Variants in FAT3 observed in about 807,000 individuals in gnomAD.
The protein encoded by FAT3 is FAT atypical cadherin 3.
A neutral mutation model predicts 310.2 loss-of-function variants in FAT3; 95 were observed. The ratio of observed to expected loss-of-function variants is 0.31; its 90% CI spans 0.26 to 0.36. The LOEUF is 0.36. Ranked by LOEUF, FAT3 falls within the 10% of genes least tolerant of loss-of-function variation. The pLI, the probability that FAT3 is intolerant of heterozygous loss-of-function variation, is 1.00. For missense variants in FAT3, 5,408 were observed against 5,715.6 expected (o/e 0.95, Z 1.74); for synonymous variants, 2,314 against 2,192.9 (o/e 1.06, Z -1.54).
chr11:92,260,878 T>C (rs16917259), intron 1 of FAT3, among the ~76,000 whole-genome samples: 28,760 of 151,906 alleles, frequency 0.19, 2,960 homozygotes, highest in East Asian at 0.36. Context: ...TATGCCAACA[T>C]GTAGGACATC....
At chr11:92,394,055 A>G (rs1330674109) in intron 2 of FAT3, among the ~76,000 whole-genome samples, 1 of 152,140 alleles carries the variant, frequency 6.6e-6, no homozygotes, top group Non-Finnish European at 1.5e-5. Flanking sequence ...CTAGAAACCC[A>G]CCACAGCACT....
chr11:92,289,534 CACAT>C (rs371810116), intron 1 of FAT3, among the ~76,000 whole-genome samples: 4 of 142,968 alleles, frequency 2.8e-5, no homozygotes, highest in East Asian at 2.0e-4. Flanking sequence ...CACACACACA[CACAT>C]ATATATGTGC....
intron 2 of FAT3, among the ~76,000 whole-genome samples, chr11:92,434,081 C>G (rs1445667012): frequency 6.6e-6 from 1 of 151,266 alleles, no homozygotes; most frequent in African/African-American, 2.4e-5. Context: ...GGATGCTGAT[C>G]AGAGGAGAAG....
chr11:92,892,727 A>T lies in FAT3; in HGVS notation c.*1614A>T, dbSNP rs182762755. On this transcript the variant is annotated 3_prime_UTR_variant, in exon 28 of 28. Coordinates refer to ENST00000525166, the MANE Select transcript of FAT3 (RefSeq NM_001367949.2). ...TGCCCAGCCCAAAACTGTGCTTTTT[A>T]AAAACAGTATTTTGTTATAATTTTC... The T allele has an allele frequency of 3.3e-5, 5 of 152,292 alleles. No homozygotes were observed. Among genetic ancestry groups the T allele is most frequent in the African/African-American group, 1.2e-4 (5 of 41,560 alleles). 9.4% of individuals were successfully genotyped at this position (152,292 alleles called of 1,614,324 possible).
chr11:92,883,216 G>A lies in FAT3; in HGVS notation c.12760G>A (p.Asp4254Asn), dbSNP rs1949716294. 1 of 1,613,094 alleles carries A rather than the reference G, an allele frequency of 6.2e-7. No individual in the cohort carries two copies. Reference protein sequence around the residue: ...DSRSNLDKIVDGLGGEHQEMT... With the variant: ...DSRSNLDKIVNGLGGEHQEMT... Reference sequence around the variant, plus strand: ...CAGGAGCAACCTGGATAAGATCGTGGACGGGCTGGGAGGCGAGCACCAGGA... The same window carrying A: ...CAGGAGCAACCTGGATAAGATCGTGAACGGGCTGGGAGGCGAGCACCAGGA... The change falls in exon 24 of 28, where the codon GAC (aspartate) becomes AAC (asparagine). Residue 4254 changes from aspartate (D) to asparagine (N), a missense_variant. By Grantham distance (23) the Asp-to-Asn change is conservative (BLOSUM62 1). Around this residue, in one of 5 missense-constraint regions of FAT3, gnomAD observed 649 missense variants for 666.2 expected, o/e 0.97. Coordinates refer to ENST00000525166, the MANE Select transcript of FAT3 (RefSeq NM_001367949.2). This position sits in a 1 kb window ranked among gnomAD's most constrained non-coding sequence, Gnocchi z 4.2.
chr11:92,365,596 T>G (rs1483981379), intron 2 of FAT3, among the ~76,000 whole-genome samples: 1 of 152,224 alleles, frequency 6.6e-6, no homozygotes, highest in Non-Finnish European at 1.5e-5. Context: ...ATCATTCCTT[T>G]ATTATACTGA....
At chr11:92,509,424 G>C (rs1037392347) in intron 2 of FAT3, among the ~76,000 whole-genome samples, 2 of 152,168 alleles carry the variant, frequency 1.3e-5, no homozygotes, top group African/African-American at 4.8e-5. Context: ...AGTTATAATA[G>C]TGAAAAATTT....
At chr11:92,614,658 A>G (rs763464926) in intron 3 of FAT3, among the ~76,000 whole-genome samples, 1 of 152,184 alleles carries the variant, frequency 6.6e-6, no homozygotes, top group Non-Finnish European at 1.5e-5. Flanking sequence ...TGATCAATGC[A>G]TTGTCTTTTC....
intron 3 of FAT3, among the ~76,000 whole-genome samples, chr11:92,621,656 C>G (rs78927147): frequency 5.1e-4 from 77 of 152,256 alleles, no homozygotes; most frequent in African/African-American, 1.8e-3. Flanking sequence ...CAGGATTGTT[C>G]TTCTACTTGT....
At chr11:92,463,641 C>T (rs892810988) in intron 2 of FAT3, among the ~76,000 whole-genome samples, 1 of 151,996 alleles carries the variant, frequency 6.6e-6, no homozygotes, top group African/African-American at 2.4e-5. Context: ...AAACACTGGC[C>T]CTTGGGTCCC....
At chr11:92,271,384 A>T (rs1270280708) in intron 1 of FAT3, among the ~76,000 whole-genome samples, 1 of 151,404 alleles carries the variant, frequency 6.6e-6, no homozygotes, top group Non-Finnish European at 1.5e-5. Flanking sequence ...GTCTTCATTT[A>T]CTCACTCCCC....
At chr11:92,626,356 CT>C (rs1434567714) in intron 3 of FAT3, among the ~76,000 whole-genome samples, 5 of 152,016 alleles carry the variant, frequency 3.3e-5, no homozygotes, top group African/African-American at 1.2e-4. Flanking sequence ...CCACCTGGGA[CT>C]TTTTAGGTGA....
At chr11:92,654,204 T>G (rs1446279298) in intron 3 of FAT3, among the ~76,000 whole-genome samples, 1 of 152,182 alleles carries the variant, frequency 6.6e-6, no homozygotes, top group Non-Finnish European at 1.5e-5. Context: ...AACCCACCTT[T>G]CAATCTGGTT....
chr11:92,498,188 C>T (rs1161580938), intron 2 of FAT3: 1 of 160,530 alleles, frequency 6.2e-6, no homozygotes, highest in Non-Finnish European at 1.4e-5. Flanking sequence ...TCAGCTCATT[C>T]AACTTAGCAC....
At chr11:92,316,738 C>T (rs1025411968) in intron 1 of FAT3, among the ~76,000 whole-genome samples, 2 of 152,104 alleles carry the variant, frequency 1.3e-5, no homozygotes, top group Non-Finnish European at 2.9e-5. Context: ...CTATTTCAAT[C>T]AACTCTATTT....
At chr11:92,763,406 C>G (rs1457688890) in intron 5 of FAT3, among the ~76,000 whole-genome samples, 2 of 152,102 alleles carry the variant, frequency 1.3e-5, no homozygotes, top group Non-Finnish European at 2.9e-5. Flanking sequence ...GCCATTGCAG[C>G]TATGTGAGAC....
chr11:92,494,644 C>A (rs575448450), intron 2 of FAT3, among the ~76,000 whole-genome samples: 1 of 151,980 alleles, frequency 6.6e-6, no homozygotes, highest in South Asian at 2.1e-4. Context: ...GAAATTATTA[C>A]AATATTTAGG....
chr11:92,721,947 C>T (rs905368420), intron 4 of FAT3, among the ~76,000 whole-genome samples: 14 of 152,086 alleles, frequency 9.2e-5, no homozygotes, highest in Non-Finnish European at 2.9e-5. Flanking sequence ...GTACCTCCCA[C>T]TGGATCCCTC....
chr11:92,592,537 G>T (rs2511282), intron 3 of FAT3, among the ~76,000 whole-genome samples: 1,877 of 151,974 alleles, frequency 0.012, 32 homozygotes, highest in African/African-American at 0.043. Context: ...GGTCAGGCTG[G>T]TCTCAAATTC....
Sources: allele counts gnomAD v4.1 joint callset (sites outside exome capture counted in the v4.1 genomes callset), GRCh38; gene constraint gnomAD v4.1.1; regional missense constraint gnomAD v4.1.1; non-coding constraint Gnocchi (gnomAD v3.1); transcripts MANE v1.5; gene names NCBI Gene and HGNC (gene_info 2026-07-23, HGNC 2026-07-21).